The following ABTB3 variants were observed in gnomAD, a reference collection of about 807,000 sequenced individuals.
ABTB3 encodes the protein ankyrin repeat and BTB domain containing 3, also known as ankyrin repeat- and BTB/POZ domain-containing protein 3.
At chr12:107,555,097 GC>G in the ABTB3 span, among the ~76,000 whole-genome samples, 1 of 152,162 alleles carries the variant, frequency 6.6e-6, no homozygotes, top group East Asian at 1.9e-4. Context: ...AGCAGCAGCT[GC>G]CAAGTGATAG....
the ABTB3 span, among the ~76,000 whole-genome samples, chr12:107,528,749 T>G: frequency 6.6e-6 from 1 of 152,228 alleles, no homozygotes; most frequent in South Asian, 2.1e-4. Flanking sequence ...ACTAGGCTGC[T>G]GCTGTTGCTA....
the ABTB3 span, among the ~76,000 whole-genome samples, chr12:107,363,734 T>C: frequency 5.0e-4 from 76 of 152,316 alleles, no homozygotes; most frequent in African/African-American, 1.8e-3. Flanking sequence ...AAATTACATG[T>C]CGTGATAATT....
the ABTB3 span, among the ~76,000 whole-genome samples, chr12:107,525,220 G>A: frequency 2.7e-5 from 4 of 150,610 alleles, no homozygotes; most frequent in Admixed American, 1.3e-4. Flanking sequence ...CCAGCTACTC[G>A]GAAGGCTGAA....
At chr12:107,489,117 G>A in the ABTB3 span, among the ~76,000 whole-genome samples, 4 of 152,246 alleles carry the variant, frequency 2.6e-5, no homozygotes, top group South Asian at 2.1e-4. Context: ...AAAAACATTC[G>A]TACTGATAAT....
At chr12:107,579,120 TA>T in the ABTB3 span, among the ~76,000 whole-genome samples, 2 of 152,190 alleles carry the variant, frequency 1.3e-5, no homozygotes, top group African/African-American at 4.8e-5. Flanking sequence ...GAGGAACGTC[TA>T]GGGAGAAATG....
the ABTB3 span, among the ~76,000 whole-genome samples, chr12:107,578,410 T>G: frequency 7.2e-6 from 1 of 139,338 alleles, no homozygotes; most frequent in African/African-American, 2.7e-5. Context: ...TTTTTTTTTT[T>G]TTTTGCTATT....
the ABTB3 span, among the ~76,000 whole-genome samples, chr12:107,416,456 C>T: frequency 1.3e-5 from 2 of 152,076 alleles, no homozygotes; most frequent in African/African-American, 4.8e-5. Context: ...AGGATGAACC[C>T]CTGAGGCCCT....
chr12:107,381,269 C>G, the ABTB3 span, among the ~76,000 whole-genome samples: 1 of 152,210 alleles, frequency 6.6e-6, no homozygotes, highest in African/African-American at 2.4e-5. Context: ...GCTGGGCACT[C>G]AGGGGCATGT....
chr12:107,653,850 A>C, the ABTB3 span, among the ~76,000 whole-genome samples: 1 of 152,212 alleles, frequency 6.6e-6, no homozygotes, highest in Admixed American at 6.5e-5. Context: ...CATTAAGTAC[A>C]TTTGATTGTT....
the ABTB3 span, among the ~76,000 whole-genome samples, chr12:107,377,380 C>T: frequency 5.9e-3 from 898 of 150,968 alleles, 7 homozygotes; most frequent in African/African-American, 0.021. Flanking sequence ...AGCCCAAGAA[C>T]ACTTCCTTGA....
chr12:107,471,455 A>G, the ABTB3 span, among the ~76,000 whole-genome samples: 1 of 152,310 alleles, frequency 6.6e-6, no homozygotes, highest in Non-Finnish European at 1.5e-5. Flanking sequence ...GAGGAGAAAA[A>G]GGGAGAGGAA....
chr12:107,462,716 ATAG>A, the ABTB3 span, among the ~76,000 whole-genome samples: 1 of 151,046 alleles, frequency 6.6e-6, no homozygotes. Context: ...GGTGATGATA[ATAG>A]TGGTGACAGT....
At chr12:107,435,232 C>T in the ABTB3 span, among the ~76,000 whole-genome samples, 4 of 152,218 alleles carry the variant, frequency 2.6e-5, no homozygotes, top group Non-Finnish European at 5.9e-5. Flanking sequence ...TGCGTACCCA[C>T]CATTTCTCTT....
the ABTB3 span, among the ~76,000 whole-genome samples, chr12:107,553,747 T>TAGTA: frequency 6.6e-6 from 1 of 152,228 alleles, no homozygotes; most frequent in Non-Finnish European, 1.5e-5. Context: ...AAGACCATCC[T>TAGTA]GGCCAACATG....
the ABTB3 span, among the ~76,000 whole-genome samples, chr12:107,417,696 G>A: frequency 5.9e-5 from 9 of 152,344 alleles, no homozygotes; most frequent in Admixed American, 4.6e-4. Flanking sequence ...ACCATCAACA[G>A]CAGATACTCT....
At chr12:107,460,380 C>T in the ABTB3 span, among the ~76,000 whole-genome samples, 8 of 152,212 alleles carry the variant, frequency 5.3e-5, no homozygotes, top group African/African-American at 4.8e-5. Context: ...TCTGGCTGGG[C>T]GTGGTGGCTC....
chr12:107,491,324 A>G, the ABTB3 span, among the ~76,000 whole-genome samples: 1 of 152,226 alleles, frequency 6.6e-6, no homozygotes, highest in Non-Finnish European at 1.5e-5. Flanking sequence ...AAGAGGGAAC[A>G]TGGTACCAGA....
At chr12:107,483,013 C>T in the ABTB3 span, among the ~76,000 whole-genome samples, 622 of 103,812 alleles carry the variant, frequency 6.0e-3, 27 homozygotes, top group African/African-American at 0.024. Context: ...TCCTTCTTTC[C>T]TTCTTTCCTT....
At chr12:107,466,584 C>A in the ABTB3 span, among the ~76,000 whole-genome samples, 2 of 151,816 alleles carry the variant, frequency 1.3e-5, no homozygotes, top group African/African-American at 4.8e-5. Flanking sequence ...GGAAGAGGAG[C>A]CTGCAGGGCA....
Sources: gnomAD v4.1 joint callset for allele counts (sites outside exome capture counted in the v4.1 genomes callset) on GRCh38, gnomAD v4.1.1 for gene constraint, MANE v1.5 for transcripts, NCBI Gene and HGNC (gene_info 2026-07-23, HGNC 2026-07-21) for gene names.